The following GALNT15 variants were observed in gnomAD, a reference collection of about 807,000 sequenced individuals.
GALNT15 encodes polypeptide N-acetylgalactosaminyltransferase 15.
GALNT15 carries 67 observed loss-of-function variants against 66.8 expected under a neutral mutation model. That is an observed-to-expected ratio of 1.00 (90% confidence interval 0.82 to 1.23). The LOEUF is 1.23. GALNT15 is among the 50% of genes most tolerant of loss of function. The pLI is 0.00. For missense variants in GALNT15, 827 were observed against 804.3 expected (o/e 1.03, Z -0.34); for synonymous variants, 313 against 311.5 (o/e 1.00, Z -0.05).
rs1432148061 is a variant in GALNT15, at chr3:16,195,315, G to A, written c.540-445G>A. Among the ~76,000 whole-genome samples the A allele has an allele frequency of 6.6e-6, 1 of 152,194 alleles. No homozygotes were observed. Among genetic ancestry groups the A allele is most frequent in the Non-Finnish European group, 1.5e-5 (1 of 68,038 alleles). On this transcript the variant is annotated intron_variant, in intron 1 of 9. Coordinates refer to ENST00000339732, the MANE Select transcript of GALNT15 (RefSeq NM_054110.5). The surrounding 1 kb of genome is among the most constrained non-coding windows in gnomAD (Gnocchi z 4.6). Reference sequence around the variant, plus strand: ...CAGCATCGGCATCACCTGGGAGCTTGTTAGAAATGCAAATTCTTCAGCCCC... The same window carrying A: ...CAGCATCGGCATCACCTGGGAGCTTATTAGAAATGCAAATTCTTCAGCCCC...
chr3:16,178,429 A>C (rs986757366), intron 1 of GALNT15, among the ~76,000 whole-genome samples: 1 of 152,194 alleles, frequency 6.6e-6, no homozygotes, highest in Non-Finnish European at 1.5e-5. Context: ...AACCCCTGCG[A>C]AGGGAGACGA....
intron 3 of GALNT15, 51 bp from the exon 4 acceptor site, chr3:16,208,452 C>T (rs767808289): frequency 1.3e-6 from 2 of 1,591,492 alleles, no homozygotes; most frequent in South Asian, 2.3e-5. Context: ...GTTTCCAGCC[C>T]CAGCAAGTAA....
In GALNT15 at chr3:16,211,344, G is replaced by T; in HGVS notation, c.1197+103G>T. The T allele has an allele frequency of 1.3e-6, 1 of 751,318 alleles. No individual in the cohort carries two copies. The highest frequency in any genetic ancestry group is 2.0e-5 in the Admixed American group (1 of 49,182). 46.5% of individuals were successfully genotyped at this position (751,318 alleles called of 1,614,324 possible). ...AGAAATGTCACTGGGAAGGAATGAG[G>T]CTGTGGGAAAATTATAAAGTCATTC... On this transcript the variant is annotated intron_variant, in intron 5 of 9. Transcript: ENST00000339732. This position sits in a 1 kb window ranked among gnomAD's most constrained non-coding sequence, Gnocchi z 4.3.
chr3:16,200,490 T>C lies in GALNT15; in HGVS notation c.707-129T>C, dbSNP rs2063687400. ...CTCAGCAACAACCACACTGTAGTAA[T>C]GTTTTCGGTTCTTAGGACCCAGGTG... On this transcript the variant is annotated intron_variant, in intron 2 of 9. Coordinates refer to ENST00000339732, the MANE Select transcript of GALNT15 (RefSeq NM_054110.5). The surrounding 1 kb of genome is among the most constrained non-coding windows in gnomAD (Gnocchi z 4.4). 1 of 601,504 alleles carries C rather than the reference T, an allele frequency of 1.7e-6. No homozygotes were observed. The allele number at this position is 601,504 out of a possible 1,614,324, so 37.3% of individuals were successfully genotyped here. A position where few individuals can be genotyped will look rare whatever the true frequency, so the allele number is the denominator to read the frequency against.
In GALNT15 at chr3:16,193,777, C is replaced by T. The variant is rs2063604353; in HGVS notation, c.540-1983C>T. Among the ~76,000 whole-genome samples the T allele has an allele frequency of 6.6e-6, 1 of 152,194 alleles. No homozygotes were observed. The highest frequency in any genetic ancestry group is 2.1e-4 in the South Asian group (1 of 4,832). Reference sequence around the variant, plus strand: ...CTTTAGGTGTCCGAAGTTTGGGGTCCTTGAGATGGCTCCTATTCAAATGTC... The same window carrying T: ...CTTTAGGTGTCCGAAGTTTGGGGTCTTTGAGATGGCTCCTATTCAAATGTC... On this transcript the variant is annotated intron_variant, in intron 1 of 9. Coordinates refer to ENST00000339732, the MANE Select transcript of GALNT15 (RefSeq NM_054110.5). The surrounding 1 kb of genome is among the most constrained non-coding windows in gnomAD (Gnocchi z 4.7).
In GALNT15 at chr3:16,186,587, A is replaced by T. The variant is rs1350097354; in HGVS notation, c.540-9173A>T. On this transcript the variant is annotated intron_variant, in intron 1 of 9. Coordinates refer to ENST00000339732, the MANE Select transcript of GALNT15 (RefSeq NM_054110.5). The surrounding 1 kb of genome is among the most constrained non-coding windows in gnomAD (Gnocchi z 5.1). ...CAAACAAAATGTGGTATATTCAAACAATGAAATATTAGGCAGTAAAAAGAA... is the reference window on the plus strand; with the variant it reads ...CAAACAAAATGTGGTATATTCAAACTATGAAATATTAGGCAGTAAAAAGAA... Among the ~76,000 whole-genome samples, 1 of 152,272 alleles carries T rather than the reference A, an allele frequency of 6.6e-6. No individual in the cohort carries two copies. The highest frequency in any genetic ancestry group is 2.4e-5 in the African/African-American group (1 of 41,472).
rs780000377 is a variant in GALNT15 at position 16,175,529 on chromosome 3, G to A, written c.378G>A (p.Gln126=). 1 of 1,614,084 alleles carries A rather than the reference G, an allele frequency of 6.2e-7. No individual in the cohort carries two copies. Among genetic ancestry groups the A allele is most frequent in the South Asian group, 1.1e-5 (1 of 91,068 alleles). Residue 126 remains glutamine (Q), a synonymous_variant, in exon 1 of 10, where the codon CAG becomes CAA. Transcript: ENST00000339732. The surrounding 1 kb of genome is among the most constrained non-coding windows in gnomAD (Gnocchi z 5.6). Reference sequence around the variant, plus strand: ...GCCTCATCAAGCAGCCAAGGAGGCAGGATAAGGAAGCCCCAAAGAGGGACT... The same window carrying A: ...GCCTCATCAAGCAGCCAAGGAGGCAAGATAAGGAAGCCCCAAAGAGGGACT... ...SYRLIKQPRR[Q]DKEAPKRDWG...
Position 16,174,990 on chromosome 3 carries a change from C to A in GALNT15, c.-162C>A, listed in dbSNP as rs543532307. The A allele has an allele frequency of 2.5e-5, 16 of 628,462 alleles. No homozygotes were observed. In the African/African-American group the frequency reaches 2.7e-4, roughly 11 times the overall value. The allele number at this position is 628,462 out of a possible 1,614,324, so 38.9% of individuals were successfully genotyped here. A position where few individuals can be genotyped will look rare whatever the true frequency, so the allele number is the denominator to read the frequency against. On this transcript the variant is annotated 5_prime_UTR_variant, in exon 1 of 10. Transcript: ENST00000339732. This position sits in a 1 kb window ranked among gnomAD's most constrained non-coding sequence, Gnocchi z 4.7. ...TTTCTGATTGTAAGTGGAAGCAGGT[C>A]TTGCACACGCTGTTGGCAAATGTCA...
chr3:16,227,145 T>C lies in GALNT15; in HGVS notation c.1774-209T>C, dbSNP rs1164528862. Among the ~76,000 whole-genome samples the C allele has an allele frequency of 2.0e-5, 3 of 152,196 alleles. No homozygotes were observed. Among genetic ancestry groups the C allele is most frequent in the Non-Finnish European group, 4.4e-5 (3 of 68,036 alleles). On this transcript the variant is annotated intron_variant, in intron 9 of 9. Coordinates refer to ENST00000339732, the MANE Select transcript of GALNT15 (RefSeq NM_054110.5). This position sits in a 1 kb window ranked among gnomAD's most constrained non-coding sequence, Gnocchi z 4.5. ...CACAACTACAATAAAGATAATTGGA[T>C]TAGTTACCCCTAAGGTTTTGAGTGA...
chr3:16,183,646 C>T lies in GALNT15; in HGVS notation c.539+7956C>T, dbSNP rs2063490585. Among the ~76,000 whole-genome samples, 2 of 152,192 alleles carry T rather than the reference C, an allele frequency of 1.3e-5. 1 individual carries two copies. The highest frequency in any genetic ancestry group is 4.1e-4 in the South Asian group (2 of 4,832). The stretch of plus-strand genomic sequence containing the variant: ...ATGCAGACAAGCAAACAGGCTGGTA[C>T]ATCAGTGGGATCAGGGCTGAGATAG... On this transcript the variant is annotated intron_variant, in intron 1 of 9. Coordinates refer to ENST00000339732, the MANE Select transcript of GALNT15 (RefSeq NM_054110.5). The surrounding 1 kb of genome is among the most constrained non-coding windows in gnomAD (Gnocchi z 5.2).
rs1222263858 is a variant in GALNT15, at chr3:16,189,444, G to A, written c.540-6316G>A. ...CAAATATCAGTGATTGTTATTCCCA[G>A]AATACCAGCCCAGTTCCTCTGCTAT... On this transcript the variant is annotated intron_variant, in intron 1 of 9. Transcript: ENST00000339732. This position sits in a 1 kb window ranked among gnomAD's most constrained non-coding sequence, Gnocchi z 5.1. 1.3e-5 allele frequency among the ~76,000 whole-genome samples: 2 copies of A among 152,182 alleles called. No individual in the cohort carries two copies. The highest frequency in any genetic ancestry group is 4.8e-5 in the African/African-American group (2 of 41,438).
chr3:16,236,863 C>G (rs1342377146), downstream of GALNT15, among the ~76,000 whole-genome samples: 1 of 152,202 alleles, frequency 6.6e-6, no homozygotes, highest in African/African-American at 2.4e-5. Flanking sequence ...AACGAGCTTT[C>G]TTAATGAGAC....
chr3:16,235,841 A>C (rs2064122379), downstream of GALNT15, among the ~76,000 whole-genome samples: 1 of 152,168 alleles, frequency 6.6e-6, no homozygotes, highest in Non-Finnish European at 1.5e-5. Context: ...GTGGTGGCTC[A>C]TGCCTGTAAT....
rs138291189 is a variant in GALNT15, at chr3:16,195,044, T to C, written c.540-716T>C. On this transcript the variant is annotated intron_variant, in intron 1 of 9. Coordinates refer to ENST00000339732, the MANE Select transcript of GALNT15 (RefSeq NM_054110.5). The surrounding 1 kb of genome is among the most constrained non-coding windows in gnomAD (Gnocchi z 4.6). Reference sequence around the variant, plus strand: ...AAAAATTGTGTGCCAGGTGCTATGCTAGGTTGTAGGAACATAAAAATAAAG... The same window carrying C: ...AAAAATTGTGTGCCAGGTGCTATGCCAGGTTGTAGGAACATAAAAATAAAG... Among the ~76,000 whole-genome samples the C allele has an allele frequency of 6.6e-6, 1 of 152,202 alleles. No individual in the cohort carries two copies. The highest frequency in any genetic ancestry group is 1.5e-5 in the Non-Finnish European group (1 of 68,034).
Position 16,182,256 on chromosome 3 carries a change from T to C in GALNT15, c.539+6566T>C, listed in dbSNP as rs559193375. On this transcript the variant is annotated intron_variant, in intron 1 of 9. Coordinates refer to ENST00000339732, the MANE Select transcript of GALNT15 (RefSeq NM_054110.5). This position sits in a 1 kb window ranked among gnomAD's most constrained non-coding sequence, Gnocchi z 6.1. ...AGGATCCCTAGGTGATTTCCATTCATGTTAAAGTTTGAGAGCCATTATGAG... is the reference window on the plus strand; with the variant it reads ...AGGATCCCTAGGTGATTTCCATTCACGTTAAAGTTTGAGAGCCATTATGAG... 7.0e-4 allele frequency among the ~76,000 whole-genome samples: 107 copies of C among 152,220 alleles called. No individual in the cohort carries two copies. The highest frequency in any genetic ancestry group is 2.3e-3 in the African/African-American group (96 of 41,532).
At chr3:16,237,178 C>G in the GALNT15 span, among the ~76,000 whole-genome samples, 1 of 152,198 alleles carries the variant, frequency 6.6e-6, no homozygotes, top group Non-Finnish European at 1.5e-5. The surrounding 1 kb of genome is among the most constrained non-coding windows in gnomAD (Gnocchi z 4.2). Context: ...AGCCAGACTT[C>G]AAAACACAAA....
chr3:16,200,777 C>G lies in GALNT15; in HGVS notation c.865C>G (p.His289Asp), dbSNP rs2124869885. ...CTTCATGGATGCCCACTGCGAGTGC[C>G]ACCCAGGCTGGCTGGAGCCCCTCCT... ...LVFMDAHCEC[H>D]PGWLEPLLSR... Residue 289 changes from histidine (H) to aspartate (D), a missense_variant, in exon 3 of 10, where the codon CAC becomes GAC. Transcript: ENST00000339732. This position sits in a 1 kb window ranked among gnomAD's most constrained non-coding sequence, Gnocchi z 4.4. 6.2e-7 allele frequency: 1 copy of G among 1,611,538 alleles called. No individual in the cohort carries two copies. The highest frequency in any genetic ancestry group is 8.5e-7 in the Non-Finnish European group (1 of 1,179,114).
At position 16,184,705 on chromosome 3, in the gene GALNT15, G is replaced by T. The variant is rs1047066772; in HGVS notation, c.539+9015G>T. 1.3e-5 allele frequency among the ~76,000 whole-genome samples: 2 copies of T among 152,232 alleles called. No homozygotes were observed. The highest frequency in any genetic ancestry group is 2.9e-5 in the Non-Finnish European group (2 of 68,038). On this transcript the variant is annotated intron_variant, in intron 1 of 9. Coordinates refer to ENST00000339732, the MANE Select transcript of GALNT15 (RefSeq NM_054110.5). The surrounding 1 kb of genome is among the most constrained non-coding windows in gnomAD (Gnocchi z 5.0). The stretch of plus-strand genomic sequence containing the variant: ...GGCTTCATTTTGCCGGTTATCCCAA[G>T]AAGCACGGGTAGGGGCTCAGGAAAG...
rs2063479476 is a variant in GALNT15 at position 16,182,300 on chromosome 3, C to G, written c.539+6610C>G. 6.6e-6 allele frequency among the ~76,000 whole-genome samples: 1 copy of G among 152,112 alleles called. No individual in the cohort carries two copies. Among genetic ancestry groups the G allele is most frequent in the Non-Finnish European group, 1.5e-5 (1 of 68,030 alleles). ...TTATGAGGCCAGTGGTTCACAGCCC[C>G]CACTCACATTAGAACCAATGAGTCG... On this transcript the variant is annotated intron_variant, in intron 1 of 9. Coordinates refer to ENST00000339732, the MANE Select transcript of GALNT15 (RefSeq NM_054110.5). The surrounding 1 kb of genome is among the most constrained non-coding windows in gnomAD (Gnocchi z 6.1).
Sources: allele counts gnomAD v4.1 joint callset (sites outside exome capture counted in the v4.1 genomes callset), GRCh38; gene constraint gnomAD v4.1.1; non-coding constraint Gnocchi (gnomAD v3.1); transcripts MANE v1.5; gene names NCBI Gene and HGNC (gene_info 2026-07-23, HGNC 2026-07-21).